ZSWIM6: variants seen among roughly 807,000 people sequenced by gnomAD.
ZSWIM6 encodes the protein zinc finger SWIM domain-containing protein 6.
In ZSWIM6, 9 loss-of-function variants were observed where a neutral mutation model predicts 113.2. The observed-to-expected ratio is 0.08, with a 90% CI of 0.05 to 0.14. The LOEUF is 0.14. Ranked by LOEUF, ZSWIM6 falls within the 10% of genes least tolerant of loss-of-function variation. ZSWIM6 has a pLI of 1.00. For synonymous variants in ZSWIM6, 611 were observed against 606.5 expected (o/e 1.01, Z -0.11); for missense variants, 1,162 against 1,552.2 (o/e 0.75, Z 4.22).
At chr5:61,355,610 A>G (rs1744890033) in intron 1 of ZSWIM6, among the ~76,000 whole-genome samples, 1 of 152,154 alleles carries the variant, frequency 6.6e-6, no homozygotes, top group African/African-American at 2.4e-5. Context: ...AATTTGTAGA[A>G]AAGGATAGTA....
chr5:61,410,906 G>A (rs1399922239), intron 1 of ZSWIM6, among the ~76,000 whole-genome samples: 3 of 152,154 alleles, frequency 2.0e-5, no homozygotes, highest in Admixed American at 6.5e-5. Context: ...AGTTTCTCCA[G>A]GGGAAAATGC....
At chr5:61,524,118 G>T (rs140191279) in intron 5 of ZSWIM6, among the ~76,000 whole-genome samples, 2,489 of 152,266 alleles carry the variant, frequency 0.016, 26 homozygotes, top group Non-Finnish European at 0.026. Flanking sequence ...CTTACATGAG[G>T]CTAAAAAACA....
At chr5:61,536,455 T>A (rs899430810) in intron 10 of ZSWIM6, among the ~76,000 whole-genome samples, 2 of 152,182 alleles carry the variant, frequency 1.3e-5, no homozygotes, top group Non-Finnish European at 2.9e-5. Context: ...AATAAAACAC[T>A]CCTGTGCTTC....
At chr5:61,482,766 G>C (rs1747909324) in intron 2 of ZSWIM6, among the ~76,000 whole-genome samples, 1 of 151,874 alleles carries the variant, frequency 6.6e-6, no homozygotes, top group Admixed American at 6.6e-5. Context: ...TTACATTATA[G>C]AATTTTAGAG....
chr5:61,388,506 C>T (rs1328740779), intron 1 of ZSWIM6, among the ~76,000 whole-genome samples: 1 of 152,228 alleles, frequency 6.6e-6, no homozygotes, highest in Non-Finnish European at 1.5e-5. Context: ...CAAAACCTTG[C>T]TTGAGCTAAG....
At chr5:61,376,101 A>T (rs535929103) in intron 1 of ZSWIM6, among the ~76,000 whole-genome samples, 24 of 80,838 alleles carry the variant, frequency 3.0e-4, no homozygotes, top group African/African-American at 1.2e-3. Context: ...CTGCAGTCGT[A>T]CTAGTGGTTA....
intron 3 of ZSWIM6, 75 bp from the exon 4 acceptor site, chr5:61,494,185 T>A (rs1316655389): frequency 4.8e-6 from 7 of 1,458,750 alleles, no homozygotes; most frequent in Non-Finnish European, 6.5e-6. Context: ...TGGTGGTTTG[T>A]CTCTTGTGTT....
chr5:61,487,012 A>G (rs1748036482), intron 2 of ZSWIM6, among the ~76,000 whole-genome samples: 1 of 152,012 alleles, frequency 6.6e-6, no homozygotes, highest in Non-Finnish European at 1.5e-5. Context: ...ACCAGTGTCC[A>G]GGAGAATTTT....
chr5:61,525,700 T>G (rs1397944019), intron 5 of ZSWIM6, 100 bp from the exon 6 acceptor site: 1 of 1,354,372 alleles, frequency 7.4e-7, no homozygotes, highest in Non-Finnish European at 1.0e-6. Context: ...GGACAATGTG[T>G]GTGGGTGTGT....
Position 61,391,306 on chromosome 5 carries a change from G to T in ZSWIM6, c.676+58358G>T, listed in dbSNP as rs1745706309. ...GGCCCAGTCCAGCTTCTTGGCCATG[G>T]TGCCTCCCTTTACCTGGATCTCCAT... is the stretch of plus-strand genomic sequence containing the variant. On this transcript the variant is annotated intron_variant, in intron 1 of 13. Coordinates refer to ENST00000252744, the MANE Select transcript of ZSWIM6 (RefSeq NM_020928.2). 7 of 839,180 alleles carry T rather than the reference G, an allele frequency of 8.3e-6. No homozygotes were observed. The Admixed American group carries it at 1.2e-4, about 14-fold the overall frequency. The allele number at this position is 839,180 out of a possible 1,614,324, so 52.0% of individuals were successfully genotyped here.
At chr5:61,538,759 CA>C (rs2112288500) in intron 10 of ZSWIM6, 54 bp from the exon 11 acceptor site, 1 of 1,506,380 alleles carries the variant, frequency 6.6e-7, no homozygotes, top group East Asian at 2.5e-5. Context: ...TCTTTCTGGC[CA>C]AGGACATGGT....
At chr5:61,463,799 C>A (rs1004708273) in intron 1 of ZSWIM6, among the ~76,000 whole-genome samples, 24 of 152,104 alleles carry the variant, frequency 1.6e-4, no homozygotes, top group African/African-American at 5.6e-4. Flanking sequence ...TTTTACAGTG[C>A]AGGGTGGGCA....
intron 1 of ZSWIM6, among the ~76,000 whole-genome samples, chr5:61,338,342 T>C (rs578218358): frequency 1.3e-5 from 2 of 152,344 alleles, no homozygotes; most frequent in African/African-American, 4.8e-5. Flanking sequence ...GCTTGTTTAT[T>C]GATAGTACAT....
chr5:61,448,154 A>G (rs1465330428), intron 1 of ZSWIM6, among the ~76,000 whole-genome samples: 1 of 152,224 alleles, frequency 6.6e-6, no homozygotes, highest in East Asian at 1.9e-4. Context: ...GTGTTTATTC[A>G]AAAGAAACCA....
At chr5:61,530,252 G>T in intron 8 of ZSWIM6, 54 bp downstream of exon 8, 1 of 1,470,832 alleles carries the variant, frequency 6.8e-7, no homozygotes, top group South Asian at 1.3e-5. Context: ...ACCCTGAATG[G>T]CAGTAGTCAT....
intron 1 of ZSWIM6, among the ~76,000 whole-genome samples, chr5:61,430,746 T>A (rs1746564018): frequency 6.6e-6 from 1 of 152,212 alleles, no homozygotes; most frequent in Admixed American, 6.5e-5. Flanking sequence ...ATAGCTATTA[T>A]GAAAATGAAT....
chr5:61,394,718 G>A (rs186822741), intron 1 of ZSWIM6, among the ~76,000 whole-genome samples: 1 of 152,328 alleles, frequency 6.6e-6, no homozygotes, highest in African/African-American at 2.4e-5. Flanking sequence ...ATACTGTTAG[G>A]AGGGCTTACA....
At chr5:61,523,982 G>T (rs977466610) in intron 5 of ZSWIM6, among the ~76,000 whole-genome samples, 76 of 152,254 alleles carry the variant, frequency 5.0e-4, no homozygotes, top group African/African-American at 1.8e-3. Context: ...AAATCAATAG[G>T]CAGACCTCTA....
At chr5:61,389,062 T>C (rs1745647278) in intron 1 of ZSWIM6, among the ~76,000 whole-genome samples, 1 of 152,072 alleles carries the variant, frequency 6.6e-6, no homozygotes, top group South Asian at 2.1e-4. Flanking sequence ...AGAGAAGAGA[T>C]GAAAAATGCT....
Sources: gnomAD v4.1 joint callset for allele counts (sites outside exome capture counted in the v4.1 genomes callset) on GRCh38, gnomAD v4.1.1 for gene constraint, MANE v1.5 for transcripts, NCBI Gene and HGNC (gene_info 2026-07-23, HGNC 2026-07-21) for gene names.